The following SYNPR variants were observed in gnomAD, a reference collection of about 807,000 sequenced individuals.
SYNPR encodes the protein synaptoporin.
Under a neutral mutation model 32.9 loss-of-function variants are expected in SYNPR, and 23 were observed. The observed-to-expected ratio is 0.70, with a 90% CI of 0.50 to 0.99. The LOEUF (loss-of-function observed/expected upper bound fraction) is 0.99. Ranked by LOEUF, SYNPR falls within the 50% of genes least tolerant of loss-of-function variation. The pLI is 0.00. For missense variants in SYNPR, 318 were observed against 349.3 expected (o/e 0.91, Z 0.71); for synonymous variants, 146 against 135.9 (o/e 1.07, Z -0.52).
At chr3:63,256,817 T>C (rs926275733) in intron 2 of SYNPR, among the ~76,000 whole-genome samples, 7 of 152,006 alleles carry the variant, frequency 4.6e-5, no homozygotes, top group Non-Finnish European at 7.4e-5. Context: ...GTTAAAAACA[T>C]TGAAAAAAAA....
intron 2 of SYNPR, among the ~76,000 whole-genome samples, chr3:63,260,122 C>T (rs1237430290): frequency 6.6e-5 from 10 of 152,232 alleles, no homozygotes; most frequent in Admixed American, 1.3e-4. Flanking sequence ...GAAGAATCAA[C>T]ATTGTGAAAA....
At chr3:63,588,853 C>T (rs1703250613) in intron 4 of SYNPR, among the ~76,000 whole-genome samples, 1 of 152,016 alleles carries the variant, frequency 6.6e-6, no homozygotes, top group Non-Finnish European at 1.5e-5. Flanking sequence ...CCCTTGCACT[C>T]AAGCTTATCT....
At chr3:63,585,607 C>G (rs912059978) in intron 4 of SYNPR, among the ~76,000 whole-genome samples, 4 of 152,026 alleles carry the variant, frequency 2.6e-5, no homozygotes, top group Non-Finnish European at 5.9e-5. Flanking sequence ...AGCACCTGTT[C>G]AAATCTTGCA....
intron 2 of SYNPR, among the ~76,000 whole-genome samples, chr3:63,413,233 A>T (rs2088492703): frequency 6.6e-6 from 1 of 152,118 alleles, no homozygotes; most frequent in Non-Finnish European, 1.5e-5. Flanking sequence ...GTGTGTCTTT[A>T]ATCTCTCTTT....
chr3:63,417,688 A>G (rs543972134), intron 2 of SYNPR, among the ~76,000 whole-genome samples: 10 of 152,326 alleles, frequency 6.6e-5, no homozygotes, highest in African/African-American at 2.4e-4. Flanking sequence ...ACTTCTGTGC[A>G]CTGGCAGGCT....
At chr3:63,522,032 C>A (rs889519727) in intron 3 of SYNPR, among the ~76,000 whole-genome samples, 6 of 152,302 alleles carry the variant, frequency 3.9e-5, no homozygotes, top group Middle Eastern at 3.4e-3. Flanking sequence ...TCTGGAGGGA[C>A]AAAGGACATG....
At chr3:63,518,178 C>T (rs1024266923) in intron 3 of SYNPR, among the ~76,000 whole-genome samples, 2 of 152,122 alleles carry the variant, frequency 1.3e-5, no homozygotes, top group Non-Finnish European at 2.9e-5. Context: ...AAGTCTATCC[C>T]CCTTGTCTCT....
At chr3:63,271,432 G>T (rs2086534912) in intron 3 of SYNPR, among the ~76,000 whole-genome samples, 1 of 152,104 alleles carries the variant, frequency 6.6e-6, no homozygotes, top group Admixed American at 6.6e-5. Flanking sequence ...GCAGGGTAAG[G>T]TTTTCTTTTA....
intron 3 of SYNPR, 107 bp from the exon 4 acceptor site, chr3:63,556,435 TA>T: frequency 4.1e-6 from 4 of 977,558 alleles, no homozygotes; most frequent in Non-Finnish European, 4.5e-6. Context: ...AGGCATGCAC[TA>T]AAACTCCCAG....
intron 4 of SYNPR, among the ~76,000 whole-genome samples, chr3:63,566,562 C>A (rs149689203): frequency 2.6e-5 from 4 of 152,208 alleles, no homozygotes; most frequent in African/African-American, 9.6e-5. Flanking sequence ...AAACTACCTG[C>A]TTTATTCCTA....
chr3:63,494,490 T>TATATATACATATATAC (rs1239553863), intron 3 of SYNPR, among the ~76,000 whole-genome samples: 9 of 135,000 alleles, frequency 6.7e-5, no homozygotes, highest in African/African-American at 2.0e-4. Flanking sequence ...TATATATACA[T>TATATATACATATATAC]ATATATACAT....
chr3:63,316,315 ATTC>A (rs2087042964), intron 2 of SYNPR, among the ~76,000 whole-genome samples: 5 of 151,818 alleles, frequency 3.3e-5, no homozygotes, highest in Admixed American at 2.6e-4. Context: ...ATTGGTGCCA[ATTC>A]TTCTTTGAAT....
intron 4 of SYNPR, among the ~76,000 whole-genome samples, chr3:63,603,987 A>C (rs1700081552): frequency 6.6e-6 from 1 of 151,984 alleles, no homozygotes; most frequent in Admixed American, 6.6e-5. Flanking sequence ...CTGGGCTTTT[A>C]CTGATTGGCA....
chr3:63,335,151 G>A (rs984819777), intron 2 of SYNPR, among the ~76,000 whole-genome samples: 5 of 152,104 alleles, frequency 3.3e-5, no homozygotes, highest in Admixed American at 6.5e-5. Flanking sequence ...TCGGGAGATC[G>A]AGACCATCCT....
At chr3:63,593,260 T>G (rs2106878780) in intron 4 of SYNPR, among the ~76,000 whole-genome samples, 1 of 152,164 alleles carries the variant, frequency 6.6e-6, no homozygotes, top group East Asian at 1.9e-4. Flanking sequence ...TAACTTTCTT[T>G]GAAAGGTCTG....
At chr3:63,266,855 T>C (rs1210538694) in intron 2 of SYNPR, among the ~76,000 whole-genome samples, 1 of 151,782 alleles carries the variant, frequency 6.6e-6, no homozygotes, top group Non-Finnish European at 1.5e-5. Flanking sequence ...GTGCCGGGAG[T>C]CCATGGTACT....
At chr3:63,598,081 C>T (rs1461444413) in intron 4 of SYNPR, among the ~76,000 whole-genome samples, 2 of 152,122 alleles carry the variant, frequency 1.3e-5, no homozygotes, top group Non-Finnish European at 2.9e-5. Context: ...ATAAAAGTGT[C>T]AGCAACAGAA....
At chr3:63,384,971 G>T (rs1286013523) in intron 2 of SYNPR, among the ~76,000 whole-genome samples, 1 of 152,112 alleles carries the variant, frequency 6.6e-6, no homozygotes, top group African/African-American at 2.4e-5. Context: ...AGGCATGCTT[G>T]AGGTGGAAAA....
chr3:63,224,578 C>T (rs148305243), upstream of SYNPR, among the ~76,000 whole-genome samples: 3 of 152,190 alleles, frequency 2.0e-5, no homozygotes, highest in Admixed American at 6.5e-5. Context: ...AGGCATGAAA[C>T]CTCTTGGAAA....
Sources: allele counts gnomAD v4.1 joint callset (sites outside exome capture counted in the v4.1 genomes callset), GRCh38; gene constraint gnomAD v4.1.1; transcripts MANE v1.5; gene names NCBI Gene and HGNC (gene_info 2026-07-23, HGNC 2026-07-21).